Variants in CLMP observed in about 807,000 individuals in gnomAD.
CLMP encodes the protein CXADR like cell adhesion molecule, also known as CXADR-like membrane protein.
In CLMP, 27 loss-of-function variants were observed where a neutral mutation model predicts 45.2. The observed-to-expected ratio is 0.60, with a 90% CI of 0.44 to 0.82. The LOEUF is 0.82. Ranked by LOEUF, CLMP falls within the 40% of genes least tolerant of loss-of-function variation. CLMP has a pLI of 0.00. For synonymous variants in CLMP, 167 were observed against 171.4 expected (o/e 0.97, Z 0.20); for missense variants, 403 against 448.4 (o/e 0.90, Z 0.91).
chr11:123,118,983 TTCTTTCTTTCTTTCTTTCTC>T (rs1565387855), intron 1 of CLMP, among the ~76,000 whole-genome samples: 7 of 41,948 alleles, frequency 1.7e-4, no homozygotes, highest in South Asian at 1.0e-3. Flanking sequence ...CTTTCTTTCT[TTCTTTCTTTCTTTCTTTCTC>T]TCTCTCTCTC....
At chr11:123,152,953 G>A (rs1481596513) in intron 1 of CLMP, among the ~76,000 whole-genome samples, 1 of 152,184 alleles carries the variant, frequency 6.6e-6, no homozygotes, top group Non-Finnish European at 1.5e-5. Flanking sequence ...AAGGATGTTG[G>A]ATAAAGTGGT....
rs569161364 is a variant in CLMP at position 123,194,594 on chromosome 11, T to C, written c.28+319A>G. 5.3e-5 allele frequency among the ~76,000 whole-genome samples: 8 copies of C among 152,218 alleles called. No homozygotes were observed. In the South Asian group the frequency reaches 1.7e-3, roughly 32 times the overall value. ...ACCCTCAGGAACCTGGCACAAAAAT[T>C]CCTGGATAAACCTTCCCTCCACCAA... On this transcript the variant is annotated intron_variant, in intron 1 of 6. Coordinates refer to ENST00000448775, the MANE Select transcript of CLMP (RefSeq NM_024769.5).
chr11:123,153,410 A>G (rs953150057), intron 1 of CLMP, among the ~76,000 whole-genome samples: 2 of 152,150 alleles, frequency 1.3e-5, no homozygotes, highest in Admixed American at 1.3e-4. Flanking sequence ...GTCCCTAAAG[A>G]TTTACCTCTT....
At chr11:123,174,123 G>C (rs1375090278) in intron 1 of CLMP, among the ~76,000 whole-genome samples, 1 of 152,010 alleles carries the variant, frequency 6.6e-6, no homozygotes, top group African/African-American at 2.4e-5. Flanking sequence ...AAAAATTCCA[G>C]GCTTAGAAAT....
chr11:123,168,833 G>A (rs1861593048), intron 1 of CLMP, among the ~76,000 whole-genome samples: 1 of 152,136 alleles, frequency 6.6e-6, no homozygotes, highest in Admixed American at 6.5e-5. Context: ...AGAATAAAAT[G>A]TTCTGGGTCT....
chr11:123,150,682 T>A (rs1861325704), intron 1 of CLMP, among the ~76,000 whole-genome samples: 1 of 152,086 alleles, frequency 6.6e-6, no homozygotes, highest in African/African-American at 2.4e-5. Context: ...TAGAATACCA[T>A]CCCACTCTCC....
At chr11:123,113,872 A>G (rs1369033885) in intron 1 of CLMP, among the ~76,000 whole-genome samples, 1 of 151,872 alleles carries the variant, frequency 6.6e-6, no homozygotes, top group Non-Finnish European at 1.5e-5. Flanking sequence ...TATGCTATTT[A>G]TGGTTCCATG....
At chr11:123,074,623 G>A in intron 6 of CLMP, 79 bp downstream of exon 6, 1 of 1,395,522 alleles carries the variant, frequency 7.2e-7, no homozygotes, top group Non-Finnish European at 9.9e-7. Context: ...AGAAAACTGG[G>A]AACATTTATG....
chr11:123,097,960 A>G lies in CLMP; in HGVS notation c.29-8T>C. ...TTCCAACATAGTAGGAAACTGGAAG[A>G]GGAAAATCTTTAATGAGTAATGCAG... is the stretch of plus-strand genomic sequence containing the variant. On this transcript the variant is annotated splice_polypyrimidine_tract_variant and splice_region_variant and intron_variant, in intron 1 of 6. Transcript: ENST00000448775. 3 of 1,540,570 alleles carry G rather than the reference A, an allele frequency of 1.9e-6. No individual in the cohort carries two copies. The highest frequency in any genetic ancestry group is 1.7e-4 in the Middle Eastern group (1 of 5,752).
rs761902449 is a variant in CLMP, at chr11:123,071,723, C to CA, written c.*1750dup. On this transcript the variant is annotated 3_prime_UTR_variant, in exon 7 of 7. Transcript: ENST00000448775. ...TGGGCAACAGAGCGAGACTTCGTCTCAAAAAAAAAAAAGTTTTCTACTCTC... is the reference window on the plus strand; with the variant it reads ...TGGGCAACAGAGCGAGACTTCGTCTCAAAAAAAAAAAAAGTTTTCTACTCTC... 535 of 141,030 alleles carry CA rather than the reference C, an allele frequency of 3.8e-3. 4 individuals carry two copies. The highest frequency in any genetic ancestry group is 8.9e-3 in the African/African-American group (341 of 38,434). 8.7% of individuals were successfully genotyped at this position (141,030 alleles called of 1,614,324 possible).
intron 1 of CLMP, among the ~76,000 whole-genome samples, chr11:123,098,222 G>C (rs1866012906): frequency 6.6e-6 from 1 of 151,902 alleles, no homozygotes; most frequent in African/African-American, 2.4e-5. Context: ...CAATGAAATT[G>C]CTCATGTTAA....
chr11:123,103,468 C>T (rs573464214), intron 1 of CLMP, among the ~76,000 whole-genome samples: 40 of 152,282 alleles, frequency 2.6e-4, no homozygotes, highest in Non-Finnish European at 3.5e-4. Context: ...AACATTGTGG[C>T]GGGTGGTGTG....
At position 123,073,425 on chromosome 11, in the gene CLMP, C is replaced by T; in HGVS notation, c.*49G>A. 6.5e-7 allele frequency: 1 copy of T among 1,549,514 alleles called. No individual in the cohort carries two copies. The highest frequency in any genetic ancestry group is 8.7e-7 in the Non-Finnish European group (1 of 1,148,080). On this transcript the variant is annotated 3_prime_UTR_variant, in exon 7 of 7. Coordinates refer to ENST00000448775, the MANE Select transcript of CLMP (RefSeq NM_024769.5). ...CTTGAGCTCCAATGACGAGAAGAGT[C>T]CAAAGACCCTGACTCCTAGGAAAGC...
intron 1 of CLMP, among the ~76,000 whole-genome samples, chr11:123,161,130 C>T (rs1250909818): frequency 6.6e-6 from 1 of 152,168 alleles, no homozygotes; most frequent in Non-Finnish European, 1.5e-5. Flanking sequence ...TAGGTATGTA[C>T]CAGGTGCCTA....
intron 1 of CLMP, among the ~76,000 whole-genome samples, chr11:123,106,643 A>C (rs919406880): frequency 2.0e-5 from 3 of 152,130 alleles, no homozygotes; most frequent in African/African-American, 4.8e-5. Flanking sequence ...AAGTTATTGT[A>C]AGCATTACAT....
intron 1 of CLMP, among the ~76,000 whole-genome samples, chr11:123,119,334 C>T (rs1163444345): frequency 4.0e-5 from 6 of 151,798 alleles, no homozygotes; most frequent in Admixed American, 3.3e-4. Context: ...CCGCCTGCCT[C>T]GGCCTCCCAA....
At chr11:123,140,327 G>A (rs1032373970) in intron 1 of CLMP, among the ~76,000 whole-genome samples, 20 of 152,214 alleles carry the variant, frequency 1.3e-4, no homozygotes, top group African/African-American at 4.6e-4. Context: ...TAATTTTGTC[G>A]CGGTCTGAAG....
At chr11:123,149,371 T>G (rs1861280778) in intron 1 of CLMP, among the ~76,000 whole-genome samples, 1 of 152,212 alleles carries the variant, frequency 6.6e-6, no homozygotes, top group African/African-American at 2.4e-5. Flanking sequence ...CCTGGGAAAC[T>G]GATACATTTT....
At chr11:123,073,869 C>T in intron 6 of CLMP, 95 bp from the exon 7 acceptor site, 1 of 1,317,624 alleles carries the variant, frequency 7.6e-7, no homozygotes, top group Non-Finnish European at 1.0e-6. Context: ...CTGTGAACCT[C>T]AGATAATACC....
Sources: allele counts gnomAD v4.1 joint callset (sites outside exome capture counted in the v4.1 genomes callset), GRCh38; gene constraint gnomAD v4.1.1; transcripts MANE v1.5; gene names NCBI Gene and HGNC (gene_info 2026-07-23, HGNC 2026-07-21).